The following NUDCD3 variants were observed in gnomAD, a reference collection of about 807,000 sequenced individuals.
NUDCD3 encodes nudC domain-containing protein 3.
A neutral mutation model predicts 39.7 loss-of-function variants in NUDCD3; 13 were observed. The ratio of observed to expected loss-of-function variants is 0.33; its 90% CI spans 0.21 to 0.52. The LOEUF (loss-of-function observed/expected upper bound fraction) is 0.52. NUDCD3 is among the 20% of genes least tolerant of loss of function. The probability of loss-of-function intolerance (pLI) is 0.96; values close to 1 mark genes in which losing one functional copy is unlikely to be tolerated. For synonymous variants in NUDCD3, 175 were observed against 172.4 expected (o/e 1.02, Z -0.12); for missense variants, 453 against 458.1 (o/e 0.99, Z 0.10).
intron 2 of NUDCD3, among the ~76,000 whole-genome samples, chr7:44,428,893 G>A (rs1260796982): frequency 1.3e-5 from 2 of 152,140 alleles, no homozygotes; most frequent in Non-Finnish European, 2.9e-5. Flanking sequence ...ACTTCTCCAG[G>A]GCCTGCTCAG....
chr7:44,460,052 T>C (rs946532779), intron 2 of NUDCD3, among the ~76,000 whole-genome samples: 5 of 152,198 alleles, frequency 3.3e-5, no homozygotes, highest in African/African-American at 1.2e-4. Context: ...ATATTTAGCC[T>C]ACAACATTAA....
At chr7:44,483,840 T>C (rs1045686660) in intron 2 of NUDCD3, among the ~76,000 whole-genome samples, 2 of 152,132 alleles carry the variant, frequency 1.3e-5, no homozygotes, top group Non-Finnish European at 2.9e-5. Flanking sequence ...GGCAGACATC[T>C]CTACAAAAAA....
chr7:44,481,289 T>G (rs1800485854), intron 2 of NUDCD3: 1 of 152,216 alleles, frequency 6.6e-6, no homozygotes, highest in East Asian at 1.9e-4. Context: ...GAAATTGGCT[T>G]ACATGATTGT....
intron 1 of NUDCD3, chr7:44,489,948 T>G (rs1171524701): frequency 6.4e-6 from 1 of 155,066 alleles, no homozygotes; most frequent in Admixed American, 6.4e-5. Flanking sequence ...AGCACTACAT[T>G]GACAGTCTTT....
At chr7:44,435,464 A>G (rs1165237190) in intron 2 of NUDCD3, among the ~76,000 whole-genome samples, 3 of 152,208 alleles carry the variant, frequency 2.0e-5, no homozygotes, top group Non-Finnish European at 4.4e-5. Flanking sequence ...GGACTGAAGC[A>G]CGTAGCATAT....
At chr7:44,450,507 G>A (rs190270601) in intron 2 of NUDCD3, among the ~76,000 whole-genome samples, 1 of 151,954 alleles carries the variant, frequency 6.6e-6, no homozygotes, top group African/African-American at 2.4e-5. Context: ...AACACCAAAT[G>A]CTGGCCATGC....
intron 3 of NUDCD3, among the ~76,000 whole-genome samples, chr7:44,411,025 CA>C (rs1452192331): frequency 5.3e-5 from 8 of 152,016 alleles, no homozygotes; most frequent in Non-Finnish European, 8.8e-5. Context: ...ACAAGAGTAC[CA>C]AGACAATTCA....
intron 1 of NUDCD3, among the ~76,000 whole-genome samples, chr7:44,489,567 G>A (rs371909990): frequency 6.6e-6 from 1 of 152,294 alleles, no homozygotes; most frequent in South Asian, 2.1e-4. Flanking sequence ...CTTAATACTT[G>A]GCTGAATAGT....
Position 44,444,946 on chromosome 7 carries a change from TCA to T in NUDCD3, c.510-17245_510-17244del, listed in dbSNP as rs1282763420. On this transcript the variant is annotated intron_variant, in intron 2 of 5. Transcript: ENST00000355451. ...TGCCCCACTGTGAAATCTCTGCCAA[TCA>T]CAAATGACTTCCAAGTATCATAACC... Among the ~76,000 whole-genome samples the T allele has an allele frequency of 2.0e-5, 3 of 152,316 alleles. No individual in the cohort carries two copies. The East Asian group carries it at 5.8e-4, about 29-fold the overall frequency.
At position 44,384,935 on chromosome 7, in the gene NUDCD3, C is replaced by G. The variant is rs975270991; in HGVS notation, c.*1076G>C. ...GGCTTGGGGGTCCTGAGGCAGTGAC[C>G]AGTCCCTGGAGAACAGGTAAGATTG... On this transcript the variant is annotated 3_prime_UTR_variant, in exon 6 of 6. Transcript: ENST00000355451. The G allele has an allele frequency of 6.6e-6, 1 of 152,292 alleles. No homozygotes were observed. Among genetic ancestry groups the G allele is most frequent in the African/African-American group, 2.4e-5 (1 of 41,440 alleles). The allele number at this position is 152,292 out of a possible 1,614,324, so 9.4% of individuals were successfully genotyped here. A position where few individuals can be genotyped will look rare whatever the true frequency, so the allele number is the denominator to read the frequency against.
At chr7:44,419,538 C>T (rs926035599) in intron 3 of NUDCD3, among the ~76,000 whole-genome samples, 1 of 152,214 alleles carries the variant, frequency 6.6e-6, no homozygotes, top group Non-Finnish European at 1.5e-5. Context: ...CCCTGACCCC[C>T]ACACCTCCTG....
intron 2 of NUDCD3, among the ~76,000 whole-genome samples, chr7:44,477,761 T>C (rs1273317017): frequency 2.0e-5 from 3 of 150,478 alleles, no homozygotes; most frequent in Non-Finnish European, 4.4e-5. Flanking sequence ...TAGTATTACA[T>C]AAACACTGAG....
At chr7:44,477,989 A>T (rs1800412043) in intron 2 of NUDCD3, among the ~76,000 whole-genome samples, 1 of 151,704 alleles carries the variant, frequency 6.6e-6, no homozygotes, top group Admixed American at 6.6e-5. Context: ...ACGCACCACC[A>T]CACCTGGTTA....
At chr7:44,461,027 C>T (rs898398545) in intron 2 of NUDCD3, among the ~76,000 whole-genome samples, 2 of 152,202 alleles carry the variant, frequency 1.3e-5, no homozygotes, top group Non-Finnish European at 2.9e-5. Flanking sequence ...CCTAAAAACC[C>T]GACGGGTTCA....
intron 2 of NUDCD3, chr7:44,471,918 G>GTGA (rs1210617500): frequency 4.6e-5 from 7 of 152,262 alleles, no homozygotes; most frequent in Non-Finnish European, 8.8e-5. Context: ...CACTGCCTTG[G>GTGA]TGATCTTACC....
At chr7:44,466,956 G>T (rs1800130388) in intron 2 of NUDCD3, among the ~76,000 whole-genome samples, 1 of 152,218 alleles carries the variant, frequency 6.6e-6, no homozygotes, top group African/African-American at 2.4e-5. Context: ...GAGAGCACTG[G>T]CCCTCCTTGG....
At chr7:44,441,527 C>A (rs1031462204) in intron 2 of NUDCD3, among the ~76,000 whole-genome samples, 1 of 152,126 alleles carries the variant, frequency 6.6e-6, no homozygotes, top group African/African-American at 2.4e-5. Flanking sequence ...TACATACAGC[C>A]CAGTCAAAGA....
At chr7:44,468,576 G>A (rs1449798296) in intron 2 of NUDCD3, among the ~76,000 whole-genome samples, 1 of 152,086 alleles carries the variant, frequency 6.6e-6, no homozygotes, top group Non-Finnish European at 1.5e-5. Context: ...GAGATTAAAG[G>A]AGCAAACCAC....
intron 2 of NUDCD3, among the ~76,000 whole-genome samples, chr7:44,474,092 A>C (rs1010093788): frequency 1.3e-5 from 2 of 151,232 alleles, no homozygotes; most frequent in African/African-American, 2.4e-5. Context: ...TGAGCACATG[A>C]GGAGTCATGT....
Sources: allele counts gnomAD v4.1 joint callset (sites outside exome capture counted in the v4.1 genomes callset), GRCh38; gene constraint gnomAD v4.1.1; transcripts MANE v1.5; gene names NCBI Gene and HGNC (gene_info 2026-07-23, HGNC 2026-07-21).